The following CLUAP1 variants were observed in gnomAD, a reference collection of about 807,000 sequenced individuals.
CLUAP1 encodes the protein intraflagellar transport 38.
A neutral mutation model predicts 55.0 loss-of-function variants in CLUAP1; 50 were observed. The observed-to-expected ratio is 0.91, with a 90% CI of 0.72 to 1.15. The LOEUF (loss-of-function observed/expected upper bound fraction) is 1.15. Among genes scored for constraint, CLUAP1 ranks in the 50% most tolerant of loss-of-function variants. The probability of loss-of-function intolerance (pLI) is 0.00; values close to 1 mark genes in which losing one functional copy is unlikely to be tolerated. For missense variants in CLUAP1, 530 were observed against 507.6 expected (o/e 1.04, Z -0.42); for synonymous variants, 195 against 175.4 (o/e 1.11, Z -0.88).
At chr16:3,529,799 T>TTATAATA (rs2038069973) in intron 9 of CLUAP1, among the ~76,000 whole-genome samples, 1 of 61,922 alleles carries the variant, frequency 1.6e-5, no homozygotes, top group African/African-American at 7.2e-5. Context: ...ATATATTATA[T>TTATAATA]TATTATATAT....
intron 7 of CLUAP1, among the ~76,000 whole-genome samples, chr16:3,522,190 G>T (rs1489221733): frequency 1.3e-5 from 2 of 152,066 alleles, no homozygotes; most frequent in African/African-American, 4.8e-5. Context: ...TTGAGATGGA[G>T]TCTCTCTGTG....
chr16:3,498,615 C>A (rs2151035281), upstream of CLUAP1, among the ~76,000 whole-genome samples: 1 of 152,220 alleles, frequency 6.6e-6, no homozygotes, highest in African/African-American at 2.4e-5. Context: ...TTGTGACCAG[C>A]CTGGCCAACA....
At chr16:3,522,912 CA>C (rs2037868577) in intron 7 of CLUAP1, among the ~76,000 whole-genome samples, 1 of 152,156 alleles carries the variant, frequency 6.6e-6, no homozygotes, top group Non-Finnish European at 1.5e-5. Flanking sequence ...CGTCATTCTT[CA>C]TACTTTCAGG....
chr16:3,505,301 C>CG (rs1016100898), intron 2 of CLUAP1, among the ~76,000 whole-genome samples: 1 of 152,072 alleles, frequency 6.6e-6, no homozygotes, highest in African/African-American at 2.4e-5. Context: ...GAGGCCGAGG[C>CG]GGGTGGATCA....
chr16:3,502,950 G>C (rs77897677), intron 1 of CLUAP1, among the ~76,000 whole-genome samples: 4,258 of 152,230 alleles, frequency 0.028, 86 homozygotes, highest in African/African-American at 0.047. Flanking sequence ...TATTTAGGCA[G>C]TGCCTTACTG....
intron 10 of CLUAP1, among the ~76,000 whole-genome samples, chr16:3,531,536 AGTT>A (rs2038119377): frequency 1.3e-5 from 2 of 151,060 alleles, no homozygotes; most frequent in South Asian, 4.2e-4. Flanking sequence ...AAAAAAAAAG[AGTT>A]AAAACAAAAA....
rs112239642 is a variant in CLUAP1, at chr16:3,528,412, T to C, written c.928+1928T>C. Among the ~76,000 whole-genome samples, 871 of 152,226 alleles carry C rather than the reference T, an allele frequency of 5.7e-3. 12 individuals carry two copies. Among genetic ancestry groups the C allele is most frequent in the African/African-American group, 0.019 (802 of 41,524 alleles). On this transcript the variant is annotated intron_variant, in intron 9 of 11. Coordinates refer to ENST00000576634, the MANE Select transcript of CLUAP1 (RefSeq NM_015041.3). The stretch of plus-strand genomic sequence containing the variant: ...TCTCTCGTCTGAATCTCAGGAAACT[T>C]TGGAGGAAGGATAGGGACTGCTGGG...
At chr16:3,518,046 A>T (rs183332486) in intron 6 of CLUAP1, among the ~76,000 whole-genome samples, 26 of 152,150 alleles carry the variant, frequency 1.7e-4, no homozygotes, top group Non-Finnish European at 2.9e-4. Flanking sequence ...TGTTTTGATG[A>T]TTGTATTGTG....
intron 3 of CLUAP1, among the ~76,000 whole-genome samples, chr16:3,507,500 C>A (rs1165529806): frequency 1.0e-4 from 15 of 149,974 alleles, no homozygotes; most frequent in Non-Finnish European, 5.9e-5. Flanking sequence ...GTTGAGGCTG[C>A]AGTGAGCCGG....
intron 5 of CLUAP1, among the ~76,000 whole-genome samples, chr16:3,512,884 G>A (rs1202311284): frequency 6.6e-6 from 1 of 152,142 alleles, no homozygotes; most frequent in Admixed American, 6.5e-5. Context: ...GTTTCACCGT[G>A]TTAGCCAGGA....
At position 3,527,648 on chromosome 16, in the gene CLUAP1, C is replaced by T. The variant is rs190834515; in HGVS notation, c.928+1164C>T. Among the ~76,000 whole-genome samples the T allele has an allele frequency of 1.4e-3, 207 of 152,298 alleles. 1 individual carries two copies. Among genetic ancestry groups the T allele is most frequent in the Middle Eastern group, 3.4e-3 (1 of 294 alleles). Reference sequence around the variant, plus strand: ...AGTTATCCGGAGGCCTAACCATCTCCCGGTGATACTGTGCTTCAGTGGTCA... The same window carrying T: ...AGTTATCCGGAGGCCTAACCATCTCTCGGTGATACTGTGCTTCAGTGGTCA... On this transcript the variant is annotated intron_variant, in intron 9 of 11. Coordinates refer to ENST00000576634, the MANE Select transcript of CLUAP1 (RefSeq NM_015041.3).
chr16:3,538,599 C>G lies in CLUAP1; in HGVS notation c.*2328C>G, dbSNP rs576911597. ...ACACACTTTAACACAGAAGCCTAAC[C>G]TAGCTACAAAGAGCCTATCCACAGA... On this transcript the variant is annotated 3_prime_UTR_variant, in exon 12 of 12. Transcript: ENST00000576634. 2.6e-5 allele frequency: 4 copies of G among 152,318 alleles called. No homozygotes were observed. Among genetic ancestry groups the G allele is most frequent in the South Asian group, 4.1e-4 (2 of 4,824 alleles). The allele number at this position is 152,318 out of a possible 1,614,324, so 9.4% of individuals were successfully genotyped here. A position where few individuals can be genotyped will look rare whatever the true frequency, so the allele number is the denominator to read the frequency against.
At chr16:3,511,616 G>A (rs1026465881) in intron 4 of CLUAP1, among the ~76,000 whole-genome samples, 16 of 152,286 alleles carry the variant, frequency 1.1e-4, no homozygotes, top group African/African-American at 3.4e-4. Context: ...CTCTGCTGCC[G>A]TCAGGCACCC....
At position 3,530,651 on chromosome 16, in the gene CLUAP1, A is replaced by C. The variant is rs139410129; in HGVS notation, c.1012A>C (p.Thr338Pro). Residue 338 changes from threonine (T) to proline (P), a missense_variant, in exon 10 of 12, where the codon ACA (threonine) becomes CCA (proline). By Grantham distance (38) the Thr-to-Pro change is conservative. Coordinates refer to ENST00000576634, the MANE Select transcript of CLUAP1 (RefSeq NM_015041.3). The part of the protein sequence containing the change: ...LEERRLPKPQ[T>P]AMEMLMQGRP... ...AGAAAGGCGGCTGCCCAAGCCACAG[A>C]CAGCCATGGAGATGCTCATGCAAGG... 5.0e-4 allele frequency: 808 copies of C among 1,614,078 alleles called. 2 individuals are homozygous for C. The highest frequency in any genetic ancestry group is 2.9e-3 in the South Asian group (268 of 91,078).
chr16:3,496,174 G>A (rs2037306602), upstream of CLUAP1: 19 of 505,578 alleles, frequency 3.8e-5, no homozygotes, highest in Middle Eastern at 6.0e-4. Flanking sequence ...TCATCTTTCC[G>A]GACCTGGCCA....
At chr16:3,500,304 G>A (rs2037363378), upstream of CLUAP1, among the ~76,000 whole-genome samples, 1 of 152,040 alleles carries the variant, frequency 6.6e-6, no homozygotes, top group South Asian at 2.1e-4. Context: ...TCGGCAACCA[G>A]ATTCCGACGA....
At chr16:3,531,196 A>T (rs1016934805) in intron 10 of CLUAP1, among the ~76,000 whole-genome samples, 1 of 152,144 alleles carries the variant, frequency 6.6e-6, no homozygotes, top group African/African-American at 2.4e-5. Flanking sequence ...TATCCACTGC[A>T]TTCCGGCCCG....
At chr16:3,495,456 C>G in the CLUAP1 span, 4 of 1,603,712 alleles carry the variant, frequency 2.5e-6, no homozygotes, top group Non-Finnish European at 3.4e-6. Flanking sequence ...GCAACCAGGA[C>G]TTGGGTGCAG....
intron 9 of CLUAP1, among the ~76,000 whole-genome samples, chr16:3,529,558 T>G (rs1252054973): frequency 1.5e-4 from 7 of 47,578 alleles, no homozygotes; most frequent in Admixed American, 1.2e-3. Flanking sequence ...ATATTATATA[T>G]TATTATATAT....
Sources: allele counts gnomAD v4.1 joint callset (sites outside exome capture counted in the v4.1 genomes callset), GRCh38; gene constraint gnomAD v4.1.1; transcripts MANE v1.5; gene names NCBI Gene and HGNC (gene_info 2026-07-23, HGNC 2026-07-21).